PCSK9: variants seen among roughly 807,000 people sequenced by gnomAD.
PCSK9 encodes the protein proprotein convertase subtilisin/kexin type 9.
PCSK9 carries 57 observed loss-of-function variants against 62.1 expected under a neutral mutation model. That is an observed-to-expected ratio of 0.92 (90% CI 0.74 to 1.14). PCSK9 has a LOEUF of 1.14. Among genes scored for constraint, PCSK9 ranks in the 50% most tolerant of loss-of-function variants. The pLI is 0.00. For missense variants in PCSK9, 870 were observed against 959.8 expected (o/e 0.91, Z 1.24); for synonymous variants, 387 against 409.4 (o/e 0.95, Z 0.66).
Position 55,063,747 on chromosome 1 carries a change from C to G in PCSK9, c.*163C>G, listed in dbSNP as rs1644781057. ...CTGGCCTGGCCCTTGAGTGGGGCAG[C>G]CTCCTTGCCTGGAACTCACTCACTC... On this transcript the variant is annotated 3_prime_UTR_variant, in exon 12 of 12. Coordinates refer to ENST00000302118, the MANE Select transcript of PCSK9 (RefSeq NM_174936.4). 3 of 837,940 alleles carry G rather than the reference C, an allele frequency of 3.6e-6. No individual in the cohort carries two copies. Among genetic ancestry groups the G allele is most frequent in the Admixed American group, 5.7e-5 (2 of 34,886 alleles). The allele number at this position is 837,940 out of a possible 1,614,324, so 51.9% of individuals were successfully genotyped here.
chr1:55,040,170 T>G lies in PCSK9; in HGVS notation c.207+126T>G. 1 of 1,285,316 alleles carries G rather than the reference T, an allele frequency of 7.8e-7. No individual in the cohort carries two copies. Among genetic ancestry groups the G allele is most frequent in the Non-Finnish European group, 1.1e-6 (1 of 934,448 alleles). The allele number at this position is 1,285,316 out of a possible 1,614,324, so 79.6% of individuals were successfully genotyped here. On this transcript the variant is annotated intron_variant, in intron 1 of 11. Transcript: ENST00000302118. The surrounding 1 kb of genome is among the most constrained non-coding windows in gnomAD (Gnocchi z 4.1). The stretch of plus-strand genomic sequence containing the variant: ...TGGAGTGCAGGTCGCCGAGGGCTCT[T>G]CGCTTGGCACGATCTTGGGGACTGC...
intron 3 of PCSK9, chr1:55,051,758 A>C (rs577339951): frequency 2.2e-5 from 5 of 231,382 alleles, no homozygotes; most frequent in African/African-American, 1.2e-4. Context: ...TGGAGTGGAG[A>C]ACGCTTGGAC....
rs930862392 is a variant in PCSK9, at chr1:55,040,217, C to A, written c.207+173C>A. 6.6e-6 allele frequency among the ~76,000 whole-genome samples: 1 copy of A among 152,054 alleles called. No homozygotes were observed. The highest frequency in any genetic ancestry group is 2.4e-5 in the African/African-American group (1 of 41,416). On this transcript the variant is annotated intron_variant, in intron 1 of 11. Transcript: ENST00000302118. The surrounding 1 kb of genome is among the most constrained non-coding windows in gnomAD (Gnocchi z 4.1). ...CTGCAGGCAAGGCGGCGGGGGAGGACGGGTAGTGGGGAGCACGGTGGAGAG... is the reference window on the plus strand; with the variant it reads ...CTGCAGGCAAGGCGGCGGGGGAGGAAGGGTAGTGGGGAGCACGGTGGAGAG...
rs930862392 is a variant in PCSK9 at position 55,040,217 on chromosome 1, C to G, written c.207+173C>G. 6.6e-6 allele frequency among the ~76,000 whole-genome samples: 1 copy of G among 152,054 alleles called. No individual in the cohort carries two copies. Among genetic ancestry groups the G allele is most frequent in the South Asian group, 2.1e-4 (1 of 4,826 alleles). On this transcript the variant is annotated intron_variant, in intron 1 of 11. Coordinates refer to ENST00000302118, the MANE Select transcript of PCSK9 (RefSeq NM_174936.4). The surrounding 1 kb of genome is among the most constrained non-coding windows in gnomAD (Gnocchi z 4.1). ...CTGCAGGCAAGGCGGCGGGGGAGGA[C>G]GGGTAGTGGGGAGCACGGTGGAGAG...
chr1:55,051,861 G>T, intron 3 of PCSK9: 1 of 306,570 alleles, frequency 3.3e-6, no homozygotes, highest in Non-Finnish European at 6.3e-6. Context: ...AGACATCACT[G>T]TTATTCTCCT....
chr1:55,046,448 A>T, intron 2 of PCSK9, 75 bp from the exon 3 acceptor site: 2 of 1,610,564 alleles, frequency 1.2e-6, no homozygotes, highest in Non-Finnish European at 1.7e-6. Context: ...TGATCAGGTA[A>T]GGCCAGGCTG....
chr1:55,052,291 G>C lies in PCSK9; in HGVS notation c.537G>C (p.Leu179=). Residue 179 remains leucine (L), a synonymous_variant, in exon 4 of 12, where the codon CTG becomes CTC. Coordinates refer to ENST00000302118, the MANE Select transcript of PCSK9 (RefSeq NM_174936.4). ...CGCCTTGGAAAGACGGAGGCAGCCT[G>C]GTGGAGGTGTATCTCCTAGACACCA... ...DEYQPPDGGS[L]VEVYLLDTSI... The C allele has an allele frequency of 6.2e-7, 1 of 1,614,076 alleles. No individual in the cohort carries two copies. The highest frequency in any genetic ancestry group is 8.5e-7 in the Non-Finnish European group (1 of 1,180,040).
chr1:55,063,343 G>A (rs1644776753), intron 11 of PCSK9, 26 bp from the exon 12 acceptor site: 1 of 1,610,388 alleles, frequency 6.2e-7, no homozygotes, highest in Admixed American at 1.7e-5. Context: ...CTAGACATGT[G>A]CTTTCTTTTC....
intron 5 of PCSK9, among the ~76,000 whole-genome samples, chr1:55,053,371 C>A (rs1308188970): frequency 6.6e-6 from 1 of 152,184 alleles, no homozygotes; most frequent in Non-Finnish European, 1.5e-5. Flanking sequence ...GGGTTCTCTC[C>A]CTTACTGACT....
rs1384461533 is a variant in PCSK9 at position 55,046,500 on chromosome 1, C to T, written c.400-23C>T. On this transcript the variant is annotated intron_variant, in intron 2 of 11. Coordinates refer to ENST00000302118, the MANE Select transcript of PCSK9 (RefSeq NM_174936.4). Reference sequence around the variant, plus strand: ...TGTCCAAATGGCTTAAGCAGAGTCCCCCGGCCTCTCTGGCTTCTGCAGGCC... The same window carrying T: ...TGTCCAAATGGCTTAAGCAGAGTCCTCCGGCCTCTCTGGCTTCTGCAGGCC... 5.6e-6 allele frequency: 9 copies of T among 1,614,098 alleles called. No homozygotes were observed. In the East Asian group the frequency reaches 1.6e-4, roughly 28 times the overall value.
chr1:55,052,533 A>G (rs935076399), intron 4 of PCSK9, 117 bp from the exon 5 acceptor site: 1 of 1,603,198 alleles, frequency 6.2e-7, no homozygotes, highest in Non-Finnish European at 8.5e-7. Context: ...CCCAGCTGTC[A>G]CTGTCCCCTC....
In PCSK9 at chr1:55,057,500, C is replaced by T. The variant is rs1304098322; in HGVS notation, c.1166C>T (p.Ala389Val). The part of the protein sequence containing the change: ...FVSQSGTSQA[A>V]AHVAGIAAMM... ...TCACAGAGTGGGACATCACAGGCTG[C>T]TGCCCACGTGGCTGGTAAGTCACCA... The change falls in exon 7 of 12, where the codon GCT (alanine) becomes GTT (valine). Residue 389 changes from alanine (A) to valine (V), a missense_variant. Physicochemically the swap from Ala to Val is moderately conservative, Grantham distance 64 (BLOSUM62 0). Transcript: ENST00000302118. 1 of 1,612,336 alleles carries T rather than the reference C, an allele frequency of 6.2e-7. No individual in the cohort carries two copies. The highest frequency in any genetic ancestry group is 2.2e-5 in the East Asian group (1 of 44,834).
chr1:55,063,599 G>C lies in PCSK9; in HGVS notation c.*15G>C, dbSNP rs2100344953. On this transcript the variant is annotated 3_prime_UTR_variant, in exon 12 of 12. Coordinates refer to ENST00000302118, the MANE Select transcript of PCSK9 (RefSeq NM_174936.4). ...AGCTCCAGTGACAGCCCCATCCCAG[G>C]ATGGGTGTCTGGGGAGGGTCAAGGG... The C allele has an allele frequency of 6.2e-7, 1 of 1,609,710 alleles. No individual in the cohort carries two copies. The highest frequency in any genetic ancestry group is 1.3e-5 in the African/African-American group (1 of 74,978).
intron 3 of PCSK9, among the ~76,000 whole-genome samples, chr1:55,048,479 T>A (rs1644650805): frequency 6.6e-6 from 1 of 152,216 alleles, no homozygotes; most frequent in Non-Finnish European, 1.5e-5. Flanking sequence ...AGGATGCCCA[T>A]GGATTGCCCC....
Position 55,040,011 on chromosome 1 carries a change from C to A in PCSK9, c.174C>A (p.His58Gln). The change falls in exon 1 of 12, where the codon CAC becomes CAA. Residue 58 changes from histidine (H) to glutamine (Q), a missense_variant. Physicochemically the swap from His to Gln is conservative, Grantham distance 24. Transcript: ENST00000302118. The surrounding 1 kb of genome is among the most constrained non-coding windows in gnomAD (Gnocchi z 4.1). ...EEDGLAEAPE[H>Q]GTTATFHRCA... ...ACGGCCTGGCCGAAGCACCCGAGCA[C>A]GGAACCACAGCCACCTTCCACCGCT... 1 of 1,576,428 alleles carries A rather than the reference C, an allele frequency of 6.3e-7. No homozygotes were observed.
In PCSK9 at chr1:55,058,191, C is replaced by T. The variant is rs774858487; in HGVS notation, c.1336C>T (p.Pro446Ser). 3 of 1,613,106 alleles carry T rather than the reference C, an allele frequency of 1.9e-6. No individual in the cohort carries two copies. The South Asian group carries it at 3.3e-5, about 18-fold the overall frequency. The change falls in exon 8 of 12, where the codon CCC (proline) becomes TCC (serine). Residue 446 changes from proline to serine, a missense_variant. Transcript: ENST00000302118. ...LTPNLVAALP[P>S]STHGAGWQLF... The stretch of plus-strand genomic sequence containing the variant: ...CCCCAACCTGGTGGCCGCCCTGCCC[C>T]CCAGCACCCATGGGGCAGGTAAGCA...
chr1:55,056,185 C>T lies in PCSK9; in HGVS notation c.992C>T (p.Pro331Leu). The stretch of plus-strand genomic sequence containing the variant: ...TGCCTCTACTCCCCAGCCTCAGCTC[C>T]CGAGGTAGGTGCTGGGGCTGCTGCC... ...DACLYSPASA[P>L]EVITVGATNA... is the part of the protein sequence containing the mutation. Residue 331 changes from proline to leucine, a missense_variant, in exon 6 of 12, where the codon CCC (proline) becomes CTC (leucine). Physicochemically the swap from Pro to Leu is moderately conservative, Grantham distance 98. Transcript: ENST00000302118. 1 of 1,452,560 alleles carries T rather than the reference C, an allele frequency of 6.9e-7. No homozygotes were observed. The highest frequency in any genetic ancestry group is 9.2e-7 in the Non-Finnish European group (1 of 1,089,412). The allele number at this position is 1,452,560 out of a possible 1,614,324, so 90.0% of individuals were successfully genotyped here.
intron 4 of PCSK9, 26 bp downstream of exon 4, chr1:55,052,437 GCTGCCTCTGC>G: frequency 6.2e-7 from 1 of 1,613,318 alleles, no homozygotes; most frequent in Non-Finnish European, 8.5e-7. Context: ...TGATGGGAGG[GCTGCCTCTGC>G]CCATATCCCC....
intron 3 of PCSK9, among the ~76,000 whole-genome samples, chr1:55,047,051 G>T (rs1265474921): frequency 6.6e-6 from 1 of 152,092 alleles, no homozygotes; most frequent in Non-Finnish European, 1.5e-5. Flanking sequence ...CCCTGTCTGG[G>T]ATGCCTCTGC....
Sources: allele counts gnomAD v4.1 joint callset (sites outside exome capture counted in the v4.1 genomes callset), GRCh38; gene constraint gnomAD v4.1.1; non-coding constraint Gnocchi (gnomAD v3.1); transcripts MANE v1.5; gene names NCBI Gene and HGNC (gene_info 2026-07-23, HGNC 2026-07-21).